Variants in PRMT8 observed in about 807,000 individuals in gnomAD.
PRMT8 encodes the protein protein arginine N-methyltransferase 8.
PRMT8 carries 7 observed loss-of-function variants against 47.1 expected under a neutral mutation model. The ratio of observed to expected loss-of-function variants is 0.15; its 90% CI spans 0.08 to 0.28. PRMT8 has a LOEUF of 0.28. Ranked by LOEUF, PRMT8 falls within the 10% of genes least tolerant of loss-of-function variation. The pLI is 1.00. For missense variants in PRMT8, 237 were observed against 505.4 expected (o/e 0.47, Z 5.09); for synonymous variants, 188 against 186.5 (o/e 1.01, Z -0.07).
Position 3,406,586 on chromosome 12 carries a change from G to T in PRMT8, c.48+25144G>T, listed in dbSNP as rs1366538743. ...GTTCAAAGTTACACAGATCTCTAAGGCAGGGGCAAAATGCCACCAGCCTCT... is the reference window on the plus strand; with the variant it reads ...GTTCAAAGTTACACAGATCTCTAAGTCAGGGGCAAAATGCCACCAGCCTCT... On this transcript the variant is annotated intron_variant, in intron 1 of 9. Transcript: ENST00000452611. Among the ~76,000 whole-genome samples the T allele has an allele frequency of 2.6e-5, 4 of 152,122 alleles. No homozygotes were observed. In the East Asian group the frequency reaches 7.7e-4, roughly 29 times the overall value.
chr12:3,534,109 C>T (rs536715040), intron 1 of PRMT8, among the ~76,000 whole-genome samples: 1 of 152,252 alleles, frequency 6.6e-6, no homozygotes, highest in Non-Finnish European at 1.5e-5. Flanking sequence ...AAGCCTCCTG[C>T]CACCCCTACT....
chr12:3,579,357 C>A (rs1867009073), intron 7 of PRMT8, among the ~76,000 whole-genome samples: 1 of 152,148 alleles, frequency 6.6e-6, no homozygotes, highest in Non-Finnish European at 1.5e-5. Context: ...GACACGTCAG[C>A]CACTGTCCTG....
chr12:3,435,394 C>T (rs556707899), intron 1 of PRMT8, among the ~76,000 whole-genome samples: 1 of 152,278 alleles, frequency 6.6e-6, no homozygotes, highest in South Asian at 2.1e-4. Flanking sequence ...AATTAGACCA[C>T]CTTGCCTCCT....
Position 3,564,526 on chromosome 12 carries a change from C to T in PRMT8, c.482-4180C>T, listed in dbSNP as rs139119566. On this transcript the variant is annotated intron_variant, in intron 4 of 9. Coordinates refer to ENST00000382622, the MANE Select transcript of PRMT8 (RefSeq NM_019854.5). The surrounding 1 kb of genome is among the most constrained non-coding windows in gnomAD (Gnocchi z 4.0). The stretch of plus-strand genomic sequence containing the variant: ...TGTCTCACTTACAAACTTGAAGCTA[C>T]AGGAGAAGTTTTCCCAATTTAGAGT... Among the ~76,000 whole-genome samples the T allele has an allele frequency of 1.5e-3, 224 of 152,346 alleles. No individual in the cohort carries two copies. The highest frequency in any genetic ancestry group is 5.2e-3 in the African/African-American group (218 of 41,570).
At position 3,566,054 on chromosome 12, in the gene PRMT8, C is replaced by T. The variant is rs182890056; in HGVS notation, c.482-2652C>T. On this transcript the variant is annotated intron_variant, in intron 4 of 9. Coordinates refer to ENST00000382622, the MANE Select transcript of PRMT8 (RefSeq NM_019854.5). The surrounding 1 kb of genome is among the most constrained non-coding windows in gnomAD (Gnocchi z 4.7). The stretch of plus-strand genomic sequence containing the variant: ...TGACCCATAGCCACACAGACACAGG[C>T]AGACATTAGGGAAGAACCTTCAAGA... Among the ~76,000 whole-genome samples, 130 of 151,928 alleles carry T rather than the reference C, an allele frequency of 8.6e-4. No individual in the cohort carries two copies. Among genetic ancestry groups the T allele is most frequent in the Admixed American group, 2.4e-3 (37 of 15,266 alleles).
intron 1 of PRMT8, chr12:3,463,242 CAAT>C (rs1865058224): frequency 6.6e-6 from 1 of 152,122 alleles, no homozygotes; most frequent in African/African-American, 2.4e-5. Flanking sequence ...ATGAGTGAAA[CAAT>C]TGTGTTACCC....
intron 1 of PRMT8, among the ~76,000 whole-genome samples, chr12:3,430,576 A>G (rs1186401204): frequency 6.6e-6 from 1 of 152,146 alleles, no homozygotes; most frequent in Non-Finnish European, 1.5e-5. Context: ...TACCAAATAA[A>G]CCTTAAGTCT....
At chr12:3,440,154 T>C (rs548884325) in intron 1 of PRMT8, among the ~76,000 whole-genome samples, 5 of 152,344 alleles carry the variant, frequency 3.3e-5, no homozygotes, top group African/African-American at 7.2e-5. Context: ...TTGATGATTA[T>C]ATTATCTTTT....
chr12:3,464,793 C>T lies in PRMT8; in HGVS notation c.49-75813C>T, dbSNP rs117182247. On this transcript the variant is annotated intron_variant, in intron 1 of 9. Transcript: ENST00000452611. ...CAGAACTAAGCAAGTTTCAATCTTT[C>T]ATTCGCATAAACAGACCTCATGGGA... Among the ~76,000 whole-genome samples the T allele has an allele frequency of 7.9e-4, 121 of 152,230 alleles. 1 individual carries two copies. In the East Asian group the frequency reaches 0.022, roughly 28 times the overall value.
chr12:3,522,811 A>AAAACAAAACAAACAAAAAAC (rs1865900349), intron 1 of PRMT8, among the ~76,000 whole-genome samples: 1 of 152,042 alleles, frequency 6.6e-6, no homozygotes, highest in Non-Finnish European at 1.5e-5. Flanking sequence ...CAAACAAAAA[A>AAAACAAAACAAACAAAAAAC]AAACAGAAAA....
chr12:3,518,100 A>T (rs946741206), intron 1 of PRMT8, among the ~76,000 whole-genome samples: 4 of 151,854 alleles, frequency 2.6e-5, no homozygotes. Flanking sequence ...GGATTCCCCA[A>T]CACGCTTGCC....
intron 1 of PRMT8, among the ~76,000 whole-genome samples, chr12:3,401,122 G>T (rs1411278198): frequency 4.5e-5 from 6 of 133,838 alleles, no homozygotes; most frequent in Non-Finnish European, 9.3e-5. Flanking sequence ...ACTCCAGCCT[G>T]GACAACAAGA....
intron 8 of PRMT8, among the ~76,000 whole-genome samples, chr12:3,589,727 A>G (rs1467630139): frequency 6.6e-6 from 1 of 152,210 alleles, no homozygotes. Flanking sequence ...TGTTGATATC[A>G]AGGAAAATAA....
intron 1 of PRMT8, among the ~76,000 whole-genome samples, chr12:3,419,303 G>A (rs79067079): frequency 0.023 from 3,512 of 152,292 alleles, 142 homozygotes; most frequent in African/African-American, 0.08. Flanking sequence ...TGAGGAAGGC[G>A]GAAGCAGACT....
At chr12:3,509,607 G>C (rs929875542) in intron 1 of PRMT8, among the ~76,000 whole-genome samples, 1 of 152,080 alleles carries the variant, frequency 6.6e-6, no homozygotes, top group African/African-American at 2.4e-5. Context: ...ACTATCATTG[G>C]CCACATGTAC....
intron 1 of PRMT8, among the ~76,000 whole-genome samples, chr12:3,382,391 A>G (rs1271698590): frequency 6.6e-6 from 1 of 152,122 alleles, no homozygotes; most frequent in Non-Finnish European, 1.5e-5. Context: ...CCTCACCTGC[A>G]TTTGCTGGCC....
intron 2 of PRMT8, among the ~76,000 whole-genome samples, chr12:3,541,287 T>C (rs985193391): frequency 2.6e-5 from 4 of 152,204 alleles, no homozygotes; most frequent in Non-Finnish European, 5.9e-5. Context: ...CCTGATTGAT[T>C]GTCTGGAAAT....
chr12:3,478,314 A>G lies in PRMT8; in HGVS notation c.49-62292A>G, dbSNP rs1865238581. 2.0e-5 allele frequency among the ~76,000 whole-genome samples: 3 copies of G among 151,740 alleles called. No homozygotes were observed. In the South Asian group the frequency reaches 6.3e-4, roughly 32 times the overall value. The stretch of plus-strand genomic sequence containing the variant: ...TATCTATCTATCTATCTATCTACCT[A>G]CCTATCTATCTGTCTGTCTATCTAA... On this transcript the variant is annotated intron_variant, in intron 1 of 9. Transcript: ENST00000452611.
At chr12:3,451,209 A>C (rs979936104) in intron 1 of PRMT8, among the ~76,000 whole-genome samples, 7 of 152,126 alleles carry the variant, frequency 4.6e-5, no homozygotes, top group Non-Finnish European at 1.0e-4. Context: ...ACTGCCAAGG[A>C]AGTAGTCATG....
Sources: allele counts gnomAD v4.1 joint callset (sites outside exome capture counted in the v4.1 genomes callset), GRCh38; gene constraint gnomAD v4.1.1; non-coding constraint Gnocchi (gnomAD v3.1); transcripts MANE v1.5; gene names NCBI Gene and HGNC (gene_info 2026-07-23, HGNC 2026-07-21).